Variants in ASH1L observed in about 807,000 individuals in gnomAD.
The protein encoded by ASH1L is histone-lysine N-methyltransferase ASH1L.
A neutral mutation model predicts 269.0 loss-of-function variants in ASH1L; 23 were observed. The observed-to-expected ratio is 0.09, with a 90% CI of 0.06 to 0.12. The LOEUF is 0.12. Among genes scored for constraint, ASH1L ranks in the 10% least tolerant of loss-of-function variants. ASH1L has a pLI of 1.00. For synonymous variants in ASH1L, 1,187 were observed against 1,253.5 expected (o/e 0.95, Z 1.12); for missense variants, 2,912 against 3,567.8 (o/e 0.82, Z 4.68).
chr1:155,459,341 G>A (rs908012712), intron 4 of ASH1L, among the ~76,000 whole-genome samples: 8 of 151,988 alleles, frequency 5.3e-5, no homozygotes, highest in African/African-American at 1.9e-4. Flanking sequence ...GATTACAGGT[G>A]CACGCCACCA....
intron 5 of ASH1L, among the ~76,000 whole-genome samples, chr1:155,431,174 C>T (rs1352244328): frequency 2.6e-5 from 4 of 151,870 alleles, no homozygotes; most frequent in African/African-American, 9.7e-5. Flanking sequence ...CATTGTACTC[C>T]AGCCTGGGCA....
intron 2 of ASH1L, among the ~76,000 whole-genome samples, chr1:155,499,285 G>A (rs909789493): frequency 5.9e-5 from 9 of 152,196 alleles, no homozygotes; most frequent in African/African-American, 2.2e-4. Flanking sequence ...GACATAAGGT[G>A]TCAATTTGTC....
intron 7 of ASH1L, among the ~76,000 whole-genome samples, chr1:155,384,590 A>G (rs1657261022): frequency 6.6e-6 from 1 of 151,932 alleles, no homozygotes. Context: ...TTTTGTAGAG[A>G]CAGGGTTTCA....
At chr1:155,512,791 G>C (rs1668249532) in intron 2 of ASH1L, among the ~76,000 whole-genome samples, 1 of 151,652 alleles carries the variant, frequency 6.6e-6, no homozygotes, top group South Asian at 2.1e-4. Flanking sequence ...TGGCACGGTG[G>C]CTGACACCTT....
chr1:155,363,458 G>A (rs921430256), intron 12 of ASH1L, among the ~76,000 whole-genome samples: 2 of 151,642 alleles, frequency 1.3e-5, no homozygotes, highest in African/African-American at 2.4e-5. Context: ...TGCCCAGGCT[G>A]GTCTCAAACT....
At chr1:155,546,265 A>G (rs1670814337) in intron 1 of ASH1L, among the ~76,000 whole-genome samples, 1 of 150,816 alleles carries the variant, frequency 6.6e-6, no homozygotes, top group Non-Finnish European at 1.5e-5. Flanking sequence ...CAGGAGGCGG[A>G]GCTTGCAATG....
chr1:155,423,337 T>C (rs917858121), intron 5 of ASH1L, among the ~76,000 whole-genome samples: 7 of 151,362 alleles, frequency 4.6e-5, no homozygotes, highest in Admixed American at 6.6e-5. Flanking sequence ...TCCCAGCACG[T>C]TGGGAGGCCG....
At position 155,356,861 on chromosome 1, in the gene ASH1L, G is replaced by A. The variant is rs567604202; in HGVS notation, c.7055+455C>T. Among the ~76,000 whole-genome samples, 4 of 151,602 alleles carry A rather than the reference G, an allele frequency of 2.6e-5. No homozygotes were observed. In the South Asian group the frequency reaches 8.4e-4, roughly 32 times the overall value. On this transcript the variant is annotated intron_variant, in intron 15 of 27. Coordinates refer to ENST00000392403, the MANE Select transcript of ASH1L (RefSeq NM_018489.3). ...CCCAATGCCTTGGGAGATCGGGGCA[G>A]GAGGATAGCTTGAGCCCAGGAGTTT...
intron 6 of ASH1L, among the ~76,000 whole-genome samples, chr1:155,412,892 GTT>G (rs60312610): frequency 9.3e-5 from 13 of 139,992 alleles, no homozygotes; most frequent in Middle Eastern, 3.7e-3. Flanking sequence ...TCTTCTGTGT[GTT>G]TTTTTTTTTT....
intron 2 of ASH1L, among the ~76,000 whole-genome samples, chr1:155,499,299 G>A (rs772852580): frequency 2.2e-4 from 33 of 152,178 alleles, no homozygotes; most frequent in Non-Finnish European, 4.1e-4. Context: ...ATTTGTCCCA[G>A]TGGCAGAGGA....
chr1:155,496,534 G>C (rs961815991), intron 2 of ASH1L, among the ~76,000 whole-genome samples: 5 of 152,182 alleles, frequency 3.3e-5, no homozygotes, highest in African/African-American at 1.2e-4. Flanking sequence ...GGTTCTAATG[G>C]AATTGACTGA....
At chr1:155,433,108 A>G in intron 5 of ASH1L, 1 of 1,360,472 alleles carries the variant, frequency 7.4e-7, no homozygotes, top group Non-Finnish European at 9.9e-7. Context: ...ATACCAAAAT[A>G]GACTGATAGA....
chr1:155,413,180 T>C (rs1244554114), intron 6 of ASH1L, among the ~76,000 whole-genome samples: 1 of 152,196 alleles, frequency 6.6e-6, no homozygotes, highest in African/African-American at 2.4e-5. Flanking sequence ...GTTGATTTTT[T>C]TTTTCCTTAA....
intron 2 of ASH1L, among the ~76,000 whole-genome samples, chr1:155,513,743 T>C (rs1319286958): frequency 6.6e-6 from 1 of 152,038 alleles, no homozygotes; most frequent in Non-Finnish European, 1.5e-5. Flanking sequence ...TCAGCATTAG[T>C]CACAACTGTT....
At position 155,355,932 on chromosome 1, in the gene ASH1L, CTTTTTGTTTT is replaced by C. The variant is rs1296612070; in HGVS notation, c.7056-1312_7056-1303del. 1.2e-3 allele frequency among the ~76,000 whole-genome samples: 144 copies of C among 120,124 alleles called. 1 individual carries two copies. In the South Asian group the frequency reaches 0.014, roughly 12 times the overall value. The allele number at this position is 120,124 out of a possible 152,430, so 78.8% of individuals were successfully genotyped here. The stretch of plus-strand genomic sequence containing the variant: ...GGTATTCTGTTTTTTTTTTTTTTTG[CTTTTTGTTTT>C]TTTTTGTTTTTTGAGACGGAGTTTT... On this transcript the variant is annotated intron_variant, in intron 15 of 27. Transcript: ENST00000392403.
At chr1:155,430,243 T>C (rs1661501248) in intron 5 of ASH1L, among the ~76,000 whole-genome samples, 1 of 152,170 alleles carries the variant, frequency 6.6e-6, no homozygotes, top group Non-Finnish European at 1.5e-5. Flanking sequence ...CCCAAAATGC[T>C]GGGACTACAG....
At chr1:155,366,955 C>T (rs1412586520) in intron 12 of ASH1L, among the ~76,000 whole-genome samples, 6 of 147,194 alleles carry the variant, frequency 4.1e-5, no homozygotes, top group South Asian at 4.3e-4. Flanking sequence ...AGATTACAGG[C>T]GTGAGCCATT....
intron 1 of ASH1L, among the ~76,000 whole-genome samples, chr1:155,545,175 CAAAAAAA>C (rs10624841): frequency 0.03 from 654 of 21,620 alleles, no homozygotes; most frequent in Non-Finnish European, 0.039. Context: ...TCCATCTCAC[CAAAAAAA>C]AAAAAAAAAA....
intron 1 of ASH1L, among the ~76,000 whole-genome samples, chr1:155,528,807 G>A (rs755419398): frequency 3.9e-5 from 6 of 152,052 alleles, no homozygotes; most frequent in African/African-American, 9.7e-5. Flanking sequence ...CAGGTATTAA[G>A]CCTAGTACCC....
Sources: gnomAD v4.1 joint callset for allele counts (sites outside exome capture counted in the v4.1 genomes callset) on GRCh38, gnomAD v4.1.1 for gene constraint, MANE v1.5 for transcripts, NCBI Gene and HGNC (gene_info 2026-07-23, HGNC 2026-07-21) for gene names.